Variants in PRRG2 observed in about 807,000 individuals in gnomAD.
The protein encoded by PRRG2 is transmembrane gamma-carboxyglutamic acid protein 2.
A neutral mutation model predicts 27.1 loss-of-function variants in PRRG2; 23 were observed. The observed-to-expected ratio is 0.85, with a 90% CI of 0.61 to 1.20. PRRG2 has a LOEUF of 1.20. PRRG2 is among the 50% of genes most tolerant of loss of function. PRRG2 has a pLI of 0.00. For missense variants in PRRG2, 276 were observed against 254.8 expected (o/e 1.08, Z -0.57); for synonymous variants, 104 against 103.4 (o/e 1.01, Z -0.03).
intron 4 of PRRG2, among the ~76,000 whole-genome samples, chr19:49,587,324 CT>C (rs527352052): frequency 0.026 from 3,133 of 121,706 alleles, 79 homozygotes; most frequent in African/African-American, 0.085. Context: ...ATGTGACATC[CT>C]TTTTTTTTTT....
intron 5 of PRRG2, among the ~76,000 whole-genome samples, chr19:49,589,635 T>G (rs1013764249): frequency 6.6e-6 from 1 of 151,808 alleles, no homozygotes; most frequent in Non-Finnish European, 1.5e-5. Flanking sequence ...CTGTATCTGG[T>G]GCACATGAGT....
intron 5 of PRRG2, 72 bp downstream of exon 5, chr19:49,588,704 T>TG: frequency 6.9e-7 from 1 of 1,454,420 alleles, no homozygotes; most frequent in Non-Finnish European, 9.0e-7. Flanking sequence ...CCTAAAGGGA[T>TG]GTGCTAAGGA....
At chr19:49,584,437 T>G (rs1466413636) in intron 4 of PRRG2, among the ~76,000 whole-genome samples, 1 of 152,042 alleles carries the variant, frequency 6.6e-6, no homozygotes, top group Non-Finnish European at 1.5e-5. Context: ...CCCAAAGTGC[T>G]GGGATTACAG....
At chr19:49,584,231 T>C (rs1046870372) in intron 4 of PRRG2, among the ~76,000 whole-genome samples, 3 of 150,940 alleles carry the variant, frequency 2.0e-5, no homozygotes, top group Non-Finnish European at 4.4e-5. Flanking sequence ...AGTGCAATGG[T>C]GCGATCTCGG....
rs1201251291 is a variant in PRRG2 at position 49,583,276 on chromosome 19, T to C, written c.57T>C (p.Asp19=). The change falls in exon 2 of 7, where the codon GAT becomes GAC. Residue 19 remains aspartate (D), a synonymous_variant. Transcript: ENST00000246794. ...ATATGGCATTAACCACCTGCCTGGA[T>C]ACTTCACCCAGTGAGGAGACAGACC... The part of the protein sequence containing the change: ...LLYMALTTCL[D]TSPSEETDQE... 1 of 1,614,208 alleles carries C rather than the reference T, an allele frequency of 6.2e-7. No homozygotes were observed. The highest frequency in any genetic ancestry group is 8.5e-7 in the Non-Finnish European group (1 of 1,180,028).
At chr19:49,585,010 C>T (rs1226152639) in intron 4 of PRRG2, among the ~76,000 whole-genome samples, 1 of 152,202 alleles carries the variant, frequency 6.6e-6, no homozygotes, top group Non-Finnish European at 1.5e-5. Context: ...CCCCAAGAAC[C>T]CCTTCTCTGA....
rs916548594 is a variant in PRRG2 at position 49,589,939 on chromosome 19, G to A, written c.477G>A (p.Leu159=). The change falls in exon 6 of 7, where the codon CTG becomes CTA. Residue 159 remains leucine, a synonymous_variant. Coordinates refer to ENST00000246794, the MANE Select transcript of PRRG2 (RefSeq NM_000951.3). The part of the protein sequence containing the change: ...LISPLSPLNP[L]GPPTPLPPPP... Reference sequence around the variant, plus strand: ...GCCCTCTGAGTCCTTTGAACCCTCTGGGCCCACCGACGCCCCTGCCTCCAC... The same window carrying A: ...GCCCTCTGAGTCCTTTGAACCCTCTAGGCCCACCGACGCCCCTGCCTCCAC... 2 of 1,610,682 alleles carry A rather than the reference G, an allele frequency of 1.2e-6. No individual in the cohort carries two copies. Among genetic ancestry groups the A allele is most frequent in the Admixed American group, 1.7e-5 (1 of 59,956 alleles).
At chr19:49,583,440 CAG>C (rs780929936) in intron 2 of PRRG2, 100 bp from the exon 3 acceptor site, 4 of 1,516,446 alleles carry the variant, frequency 2.6e-6, no homozygotes, top group Admixed American at 3.6e-5. Context: ...TCTGGATTCC[CAG>C]CCCCTGCTCC....
At chr19:49,588,439 A>G in intron 4 of PRRG2, 58 bp from the exon 5 acceptor site, 1 of 1,537,164 alleles carries the variant, frequency 6.5e-7, no homozygotes. Context: ...AGGAATTTTG[A>G]TGTTGGGGTG....
At chr19:49,587,746 A>T (rs2080681966) in intron 4 of PRRG2, among the ~76,000 whole-genome samples, 1 of 151,244 alleles carries the variant, frequency 6.6e-6, no homozygotes, top group Admixed American at 6.6e-5. Context: ...CGGCCTCCCA[A>T]AGTGCTGGGA....
At chr19:49,589,806 A>C (rs1599779266) in intron 5 of PRRG2, 94 bp from the exon 6 acceptor site, 1 of 1,384,588 alleles carries the variant, frequency 7.2e-7, no homozygotes, top group African/African-American at 1.4e-5. Context: ...TCCCAGTGTC[A>C]CCCTGAGTCT....
intron 1 of PRRG2, among the ~76,000 whole-genome samples, chr19:49,582,892 G>A (rs1033709898): frequency 6.6e-6 from 1 of 151,502 alleles, no homozygotes; most frequent in African/African-American, 2.4e-5. Context: ...ATTAGCGGGT[G>A]TGGTGGCGCA....
In PRRG2 at chr19:49,590,467, G is replaced by C; in HGVS notation, c.*78G>C. ...ATTCCGGAAGCCGCTAGGCCTCATA[G>C]ACGCCGAAGCTGGACTTGGAGTGGG... On this transcript the variant is annotated 3_prime_UTR_variant, in exon 7 of 7. Transcript: ENST00000246794. The C allele has an allele frequency of 6.3e-7, 1 of 1,591,200 alleles. No individual in the cohort carries two copies.
At chr19:49,583,994 G>A (rs888860619) in intron 4 of PRRG2, 42 bp downstream of exon 4, 120 of 1,575,940 alleles carry the variant, frequency 7.6e-5, no homozygotes, top group Non-Finnish European at 1.0e-4. Context: ...TGCAGCTAAG[G>A]TAGTCCCTTC....
chr19:49,583,379 T>C (rs1413885957), intron 2 of PRRG2, 75 bp downstream of exon 2: 5 of 1,551,880 alleles, frequency 3.2e-6, no homozygotes, highest in Non-Finnish European at 4.4e-6. Flanking sequence ...TTCTAGTCCT[T>C]CCTCTTCCAG....
At position 49,590,662 on chromosome 19, in the gene PRRG2, G is replaced by T. The variant is rs2080714538; in HGVS notation, c.*273G>T. ...ACTGGTCAGTTCCGCCCCCGTGGTAGGCAGACGCGCGGGGAAATTCGGACC... is the reference window on the plus strand; with the variant it reads ...ACTGGTCAGTTCCGCCCCCGTGGTATGCAGACGCGCGGGGAAATTCGGACC... On this transcript the variant is annotated 3_prime_UTR_variant, in exon 7 of 7. Transcript: ENST00000246794. The T allele has an allele frequency of 5.8e-6, 3 of 519,762 alleles. No homozygotes were observed. The highest frequency in any genetic ancestry group is 6.8e-5 in the Admixed American group (2 of 29,208). The allele number at this position is 519,762 out of a possible 1,614,324, so 32.2% of individuals were successfully genotyped here.
chr19:49,584,767 T>C (rs931975116), intron 4 of PRRG2, among the ~76,000 whole-genome samples: 25 of 152,294 alleles, frequency 1.6e-4, no homozygotes, highest in African/African-American at 5.3e-4. Context: ...CCACATCTTA[T>C]TGGACGCAAG....
At chr19:49,581,522 C>T (rs890861313) in intron 1 of PRRG2, 41 bp downstream of exon 1, 4 of 152,178 alleles carry the variant, frequency 2.6e-5, no homozygotes, top group Non-Finnish European at 5.9e-5. Context: ...GCTTGGGGAC[C>T]CAGGCATCCT....
At chr19:49,586,151 G>A (rs118087022) in intron 4 of PRRG2, among the ~76,000 whole-genome samples, 9,195 of 149,888 alleles carry the variant, frequency 0.061, 312 homozygotes, top group South Asian at 0.12. Context: ...GCACGATGAC[G>A]ACTCACTGCA....
Sources: allele counts gnomAD v4.1 joint callset (sites outside exome capture counted in the v4.1 genomes callset), GRCh38; gene constraint gnomAD v4.1.1; transcripts MANE v1.5; gene names NCBI Gene and HGNC (gene_info 2026-07-23, HGNC 2026-07-21).